Variants in IL1RAPL1 observed in about 807,000 individuals in gnomAD.
IL1RAPL1 encodes interleukin 1 receptor accessory protein like 1, also known as interleukin-1 receptor accessory protein-like 1.
In IL1RAPL1, 3 loss-of-function variants were observed where a neutral mutation model predicts 48.4. That is an observed-to-expected ratio of 0.06 (90% confidence interval 0.03 to 0.16). The LOEUF is 0.16. Ranked by LOEUF, IL1RAPL1 falls within the 10% of genes least tolerant of loss-of-function variation. The pLI, the probability that IL1RAPL1 is intolerant of heterozygous loss-of-function variation, is 1.00. For synonymous variants in IL1RAPL1, 185 were observed against 187.7 expected, an observed-to-expected ratio of 0.99 and a Z score of 0.12; for missense variants, 349 against 530.6, an observed-to-expected ratio of 0.66 and a Z score of 3.36.
intron 6 of IL1RAPL1, among the ~76,000 whole-genome samples, chrX:29,878,484 A>G (rs1423941322): frequency 3.6e-5 from 4 of 112,014 alleles, no homozygotes; most frequent in African/African-American, 1.3e-4. Flanking sequence ...TGCCATGAAC[A>G]AAAATGGAGC....
intron 5 of IL1RAPL1, among the ~76,000 whole-genome samples, chrX:29,464,092 A>G (rs1298034212): frequency 8.9e-6 from 1 of 112,657 alleles, no homozygotes; most frequent in Non-Finnish European, 1.9e-5. Flanking sequence ...AATTTTTAGA[A>G]TATCTTTAAT....
At chrX:29,653,484 G>A (rs1925576510) in intron 5 of IL1RAPL1, among the ~76,000 whole-genome samples, 1 of 111,800 alleles carries the variant, frequency 8.9e-6, no homozygotes, top group Admixed American at 9.5e-5. Context: ...TCTTGGGTAC[G>A]TACTGATAGC....
At chrX:28,845,091 A>G (rs1014302289) in intron 2 of IL1RAPL1, among the ~76,000 whole-genome samples, 21 of 111,942 alleles carry the variant, frequency 1.9e-4, no homozygotes, top group Admixed American at 1.3e-3. Context: ...AAAGACAACC[A>G]GAGTGGAGGT....
chrX:28,617,448 G>A (rs1569139205), intron 1 of IL1RAPL1, among the ~76,000 whole-genome samples: 1 of 111,574 alleles, frequency 9.0e-6, no homozygotes, highest in Non-Finnish European at 1.9e-5. Context: ...TATCAATATG[G>A]CCTTATCTTT....
At chrX:29,089,974 T>C (rs1423942766) in intron 2 of IL1RAPL1, among the ~76,000 whole-genome samples, 1 of 105,824 alleles carries the variant, frequency 9.4e-6, no homozygotes, top group Non-Finnish European at 1.9e-5. Context: ...CCCAGAGAAA[T>C]AGAAGCCCTC....
chrX:29,225,524 C>T lies in IL1RAPL1; in HGVS notation c.83-57414C>T, dbSNP rs923537755. Among the ~76,000 whole-genome samples, 26 of 112,151 alleles carry T rather than the reference C, an allele frequency of 2.3e-4. 1 individual carries two copies. The highest frequency in any genetic ancestry group is 2.3e-3 in the Admixed American group (24 of 10,601). ...AGAAAAATTGAACAGATCGGTTAAA[C>T]AGGTAAAGTAGACTTTATTGAGGAC... On this transcript the variant is annotated intron_variant, in intron 2 of 10. Transcript: ENST00000378993.
intron 2 of IL1RAPL1, among the ~76,000 whole-genome samples, chrX:28,858,656 A>G (rs371299622): frequency 1.2e-4 from 13 of 112,880 alleles, no homozygotes; most frequent in African/African-American, 3.9e-4. Flanking sequence ...ATAGACTACA[A>G]TATAGAATAC....
chrX:29,829,895 T>C (rs190578346), intron 6 of IL1RAPL1, among the ~76,000 whole-genome samples: 2 of 112,167 alleles, frequency 1.8e-5, no homozygotes, highest in East Asian at 5.6e-4. Flanking sequence ...TTCCTCAATA[T>C]AAATTACAAT....
intron 6 of IL1RAPL1, among the ~76,000 whole-genome samples, chrX:29,774,190 A>G (rs1929136660): frequency 9.3e-6 from 1 of 107,122 alleles, no homozygotes; most frequent in Non-Finnish European, 1.9e-5. Context: ...TCAGGTAAAT[A>G]ACTAAAAATT....
chrX:29,903,456 C>G (rs1932539348), intron 6 of IL1RAPL1, among the ~76,000 whole-genome samples: 1 of 111,040 alleles, frequency 9.0e-6, no homozygotes, highest in South Asian at 3.8e-4. Flanking sequence ...CTCACTGTTT[C>G]CTAATTGCAA....
rs777726352 is a variant in IL1RAPL1, at chrX:29,895,114, G to A, written c.779-22350G>A. On this transcript the variant is annotated intron_variant, in intron 6 of 10. Coordinates refer to ENST00000378993, the MANE Select transcript of IL1RAPL1 (RefSeq NM_014271.4). The stretch of plus-strand genomic sequence containing the variant: ...GCTGGGATTACAGGAGTGAGCCACC[G>A]CGCCCGGCCCCATTCATCTGTTCTT... 1.5e-4 allele frequency among the ~76,000 whole-genome samples: 16 copies of A among 109,280 alleles called. No homozygotes were observed. In the South Asian group the frequency reaches 2.1e-3, roughly 14 times the overall value. The allele number at this position is 109,280 out of a possible 115,157, so 94.9% of individuals were successfully genotyped here.
At chrX:29,361,472 A>T (rs1189724310) in intron 3 of IL1RAPL1, among the ~76,000 whole-genome samples, 1 of 110,442 alleles carries the variant, frequency 9.1e-6, no homozygotes, top group East Asian at 2.8e-4. Context: ...TATTTCCATA[A>T]ATTACATCTG....
intron 2 of IL1RAPL1, among the ~76,000 whole-genome samples, chrX:28,943,194 T>G (rs1320626283): frequency 2.8e-5 from 3 of 105,423 alleles, no homozygotes; most frequent in Non-Finnish European, 5.8e-5. Flanking sequence ...TAGAGCAGCT[T>G]TAAAAAAAAA....
rs144828977 is a variant in IL1RAPL1, at chrX:29,542,651, C to T, written c.704-125779C>T. Among the ~76,000 whole-genome samples the T allele has an allele frequency of 9.7e-3, 1,084 of 111,801 alleles. 16 individuals are homozygous for T. The highest frequency in any genetic ancestry group is 0.033 in the African/African-American group (1,020 of 30,820). ...ATTTCCTACATGCTAATTTTATCTC[C>T]ACAACTGAAAAGTAAATTCCCTGTG... On this transcript the variant is annotated intron_variant, in intron 5 of 10. Transcript: ENST00000378993.
chrX:29,289,720 A>G (rs1485735331), intron 3 of IL1RAPL1, among the ~76,000 whole-genome samples: 2 of 111,949 alleles, frequency 1.8e-5, no homozygotes, highest in African/African-American at 3.2e-5. Context: ...ATGTGCCTCC[A>G]CGTATTTAGG....
intron 2 of IL1RAPL1, among the ~76,000 whole-genome samples, chrX:28,939,187 T>C (rs1924100332): frequency 9.0e-6 from 1 of 110,901 alleles, no homozygotes; most frequent in Non-Finnish European, 1.9e-5. Flanking sequence ...ACTGGGTATA[T>C]GCCCAAAGGA....
chrX:29,129,957 TA>T (rs1928986459), intron 2 of IL1RAPL1, among the ~76,000 whole-genome samples: 1 of 111,444 alleles, frequency 9.0e-6, no homozygotes, highest in African/African-American at 3.3e-5. Flanking sequence ...AGAACCCTCA[TA>T]TTTTCTATAT....
At chrX:29,073,407 C>A (rs144865692) in intron 2 of IL1RAPL1, among the ~76,000 whole-genome samples, 4 of 111,623 alleles carry the variant, frequency 3.6e-5, no homozygotes, top group African/African-American at 1.3e-4. Context: ...TGTTGCCAGA[C>A]TATTCTTCAG....
intron 6 of IL1RAPL1, among the ~76,000 whole-genome samples, chrX:29,670,758 A>T (rs1470731229): frequency 3.6e-5 from 4 of 112,206 alleles, no homozygotes; most frequent in African/African-American, 1.3e-4. Flanking sequence ...TGCCCTTTCC[A>T]TATTTGACAA....
Sources: gnomAD v4.1 joint callset for allele counts (sites outside exome capture counted in the v4.1 genomes callset) on GRCh38, gnomAD v4.1.1 for gene constraint, MANE v1.5 for transcripts, NCBI Gene and HGNC (gene_info 2026-07-23, HGNC 2026-07-21) for gene names.